EEF1AKMT2: variants seen among roughly 807,000 people sequenced by gnomAD.
EEF1AKMT2 encodes the protein eukaryotic translation elongation factor 1 alpha lysine methyltransferase 2.
A neutral mutation model predicts 35.8 loss-of-function variants in EEF1AKMT2; 32 were observed. The ratio of observed to expected loss-of-function variants is 0.89; its 90% CI spans 0.67 to 1.20. The LOEUF (loss-of-function observed/expected upper bound fraction) is 1.20. Among genes scored for constraint, EEF1AKMT2 ranks in the 50% most tolerant of loss-of-function variants. The pLI is 0.00. For synonymous variants in EEF1AKMT2, 121 were observed against 133.7 expected (o/e 0.91, Z 0.65); for missense variants, 330 against 347.5 (o/e 0.95, Z 0.40).
At position 124,791,813 on chromosome 10, in the gene EEF1AKMT2, G is replaced by T. The variant is rs112471520; in HGVS notation, c.21C>A (p.Gly7=). 2.3e-5 allele frequency: 37 copies of T among 1,583,748 alleles called. No homozygotes were observed. In the Admixed American group the frequency reaches 2.4e-4, roughly 10 times the overall value. MSSGAD[G]GGGAAVAARS... is the part of the protein sequence containing the mutation. ...GCGCCGCCACCGCAGCGCCACCGCCGCCGTCAGCGCCCGAGCTCATTTCGC... is the reference window on the plus strand; with the variant it reads ...GCGCCGCCACCGCAGCGCCACCGCCTCCGTCAGCGCCCGAGCTCATTTCGC... The change falls in exon 1 of 7, where the codon GGC becomes GGA. Residue 7 remains glycine, a synonymous_variant. Transcript: ENST00000368836.
intron 3 of EEF1AKMT2, among the ~76,000 whole-genome samples, chr10:124,777,926 G>A (rs968662015): frequency 6.6e-5 from 10 of 152,116 alleles, no homozygotes; most frequent in Non-Finnish European, 1.3e-4. Flanking sequence ...CTGAAACATT[G>A]TTATGTAGTG....
In EEF1AKMT2 at chr10:124,789,175, T is replaced by C; in HGVS notation, c.177-18A>G. Reference sequence around the variant, plus strand: ...CTCCAAACCTGTTAGAGAGAATCAGTCAAATAACTGAGGGATACAGAGCAA... The same window carrying C: ...CTCCAAACCTGTTAGAGAGAATCAGCCAAATAACTGAGGGATACAGAGCAA... On this transcript the variant is annotated intron_variant, in intron 2 of 6. Transcript: ENST00000368836. The C allele has an allele frequency of 6.4e-7, 1 of 1,550,524 alleles. No homozygotes were observed.
At chr10:124,788,798 A>G (rs541896838) in intron 3 of EEF1AKMT2, among the ~76,000 whole-genome samples, 1 of 147,154 alleles carries the variant, frequency 6.8e-6, no homozygotes, top group East Asian at 2.0e-4. Flanking sequence ...AGGAAAGAAC[A>G]GAAGCCTAGA....
rs573228677 is a variant in EEF1AKMT2, at chr10:124,786,091, G to T, written c.291+2952C>A. On this transcript the variant is annotated intron_variant, in intron 3 of 6. Coordinates refer to ENST00000368836, the MANE Select transcript of EEF1AKMT2 (RefSeq NM_212554.4). Reference sequence around the variant, plus strand: ...ACCTTTAGAAGGGAAGGAGTGGGAGGGGCCACAAGGAAGCTCCTATGGTAC... The same window carrying T: ...ACCTTTAGAAGGGAAGGAGTGGGAGTGGCCACAAGGAAGCTCCTATGGTAC... Among the ~76,000 whole-genome samples the T allele has an allele frequency of 2.8e-4, 42 of 152,100 alleles. No individual in the cohort carries two copies. In the South Asian group the frequency reaches 5.8e-3, roughly 21 times the overall value.
At chr10:124,761,346 A>C (rs925306592) in intron 6 of EEF1AKMT2, among the ~76,000 whole-genome samples, 2 of 152,106 alleles carry the variant, frequency 1.3e-5, no homozygotes, top group African/African-American at 4.8e-5. Context: ...TGACAATTGC[A>C]CAAAAAAATG....
chr10:124,771,739 G>C, intron 4 of EEF1AKMT2, among the ~76,000 whole-genome samples: 1 of 151,894 alleles, frequency 6.6e-6, no homozygotes, highest in East Asian at 2.0e-4. Context: ...TGTGGTGGCA[G>C]GCACCTGTAG....
intron 3 of EEF1AKMT2, chr10:124,782,893 A>T: frequency 2.7e-6 from 1 of 368,622 alleles, no homozygotes; most frequent in Non-Finnish European, 5.3e-6. Context: ...ATCACATTGA[A>T]CATAAATGTT....
At chr10:124,777,259 A>C (rs926237866) in intron 3 of EEF1AKMT2, among the ~76,000 whole-genome samples, 2 of 151,290 alleles carry the variant, frequency 1.3e-5, no homozygotes, top group African/African-American at 4.9e-5. Context: ...AGCCTGGGCT[A>C]CAAGAGCAAA....
At chr10:124,764,243 A>G (rs186228456) in intron 5 of EEF1AKMT2, among the ~76,000 whole-genome samples, 40 of 151,986 alleles carry the variant, frequency 2.6e-4, no homozygotes, top group African/African-American at 8.9e-4. Flanking sequence ...ATTGAGTACC[A>G]TATTATTTAC....
At chr10:124,772,343 C>T (rs1158820508) in intron 4 of EEF1AKMT2, among the ~76,000 whole-genome samples, 3 of 151,400 alleles carry the variant, frequency 2.0e-5, no homozygotes, top group East Asian at 3.9e-4. Context: ...TAACTTGCTA[C>T]ACCTTCTACC....
At chr10:124,771,077 G>A (rs1950429192) in intron 4 of EEF1AKMT2, among the ~76,000 whole-genome samples, 1 of 151,976 alleles carries the variant, frequency 6.6e-6, no homozygotes, top group Non-Finnish European at 1.5e-5. Context: ...GCAGAATGGT[G>A]AATCATTTCC....
intron 6 of EEF1AKMT2, 68 bp from the exon 7 acceptor site, chr10:124,760,571 GCAT>G: frequency 2.6e-6 from 3 of 1,176,236 alleles, no homozygotes; most frequent in Non-Finnish European, 3.8e-6. Flanking sequence ...TTATATGCAT[GCAT>G]TAACACTGTA....
chr10:124,773,304 C>T (rs1355437576), intron 4 of EEF1AKMT2, among the ~76,000 whole-genome samples: 3 of 152,234 alleles, frequency 2.0e-5, no homozygotes, highest in Non-Finnish European at 2.9e-5. Context: ...TTCAGGCAAT[C>T]CTCCTGCCTC....
intron 5 of EEF1AKMT2, among the ~76,000 whole-genome samples, chr10:124,764,265 T>C (rs776887955): frequency 6.9e-6 from 1 of 144,664 alleles, no homozygotes; most frequent in African/African-American, 2.6e-5. Flanking sequence ...CAAGACTCCA[T>C]CCTGAAAATT....
chr10:124,766,303 A>C (rs1950377611), intron 4 of EEF1AKMT2: 1 of 152,212 alleles, frequency 6.6e-6, no homozygotes, highest in Admixed American at 6.5e-5. Flanking sequence ...CTTTAAAAAA[A>C]AAAAAGAATT....
chr10:124,790,930 A>T (rs1467580169), intron 1 of EEF1AKMT2, among the ~76,000 whole-genome samples: 2 of 151,800 alleles, frequency 1.3e-5, no homozygotes, highest in Non-Finnish European at 2.9e-5. Flanking sequence ...ACACCCCGCT[A>T]ATTTTTGTAT....
At chr10:124,777,326 T>C (rs895594681) in intron 3 of EEF1AKMT2, among the ~76,000 whole-genome samples, 2 of 147,264 alleles carry the variant, frequency 1.4e-5, no homozygotes, top group Non-Finnish European at 3.0e-5. Flanking sequence ...GCACAGAATA[T>C]AAGATGTAAC....
chr10:124,774,374 CAAAAAAA>C (rs57130146), intron 4 of EEF1AKMT2, among the ~76,000 whole-genome samples: 11 of 21,710 alleles, frequency 5.1e-4, no homozygotes, highest in Admixed American at 1.1e-3. Flanking sequence ...GACTCAGTCT[CAAAAAAA>C]AAAAAAAAAA....
At chr10:124,772,252 A>G (rs1316860820) in intron 4 of EEF1AKMT2, among the ~76,000 whole-genome samples, 1 of 152,124 alleles carries the variant, frequency 6.6e-6, no homozygotes, top group African/African-American at 2.4e-5. Flanking sequence ...CCTACATGGC[A>G]TCTTCTTCCA....
Sources: allele counts gnomAD v4.1 joint callset (sites outside exome capture counted in the v4.1 genomes callset), GRCh38; gene constraint gnomAD v4.1.1; transcripts MANE v1.5; gene names NCBI Gene and HGNC (gene_info 2026-07-23, HGNC 2026-07-21).